LYPLA1: variants seen among roughly 807,000 people sequenced by gnomAD.
LYPLA1 encodes lysophospholipase 1.
LYPLA1 carries 17 observed loss-of-function variants against 34.0 expected under a neutral mutation model. That is an observed-to-expected ratio of 0.50 (90% CI 0.34 to 0.75). The LOEUF (loss-of-function observed/expected upper bound fraction) is 0.75, where lower values mean the gene tolerates loss of function less well. Ranked by LOEUF, LYPLA1 falls within the 30% of genes least tolerant of loss-of-function variation. The pLI is 0.01. For missense variants in LYPLA1, 203 were observed against 288.8 expected, an observed-to-expected ratio of 0.70 and a Z score of 2.15; for synonymous variants, 98 against 100.8, an observed-to-expected ratio of 0.97 and a Z score of 0.17.
At chr8:54,087,225 T>A (rs1407800016) in intron 2 of LYPLA1, among the ~76,000 whole-genome samples, 7 of 152,208 alleles carry the variant, frequency 4.6e-5, no homozygotes, top group African/African-American at 1.7e-4. Context: ...AAAGGTATAT[T>A]TCTATACACT....
At chr8:54,067,522 A>T (rs1019350556) in intron 2 of LYPLA1, among the ~76,000 whole-genome samples, 1 of 152,120 alleles carries the variant, frequency 6.6e-6, no homozygotes, top group Non-Finnish European at 1.5e-5. Context: ...CATGCATGTC[A>T]ATTAAGGAAT....
At chr8:54,089,457 T>C (rs563507989) in intron 2 of LYPLA1, among the ~76,000 whole-genome samples, 15 of 140,804 alleles carry the variant, frequency 1.1e-4, no homozygotes, top group South Asian at 4.6e-4. Context: ...CATAGTATCA[T>C]AGGGTTTGGT....
At chr8:54,066,098 G>A (rs574574518) in intron 2 of LYPLA1, among the ~76,000 whole-genome samples, 5 of 152,064 alleles carry the variant, frequency 3.3e-5, no homozygotes, top group South Asian at 2.1e-4. Context: ...CACCACGCCC[G>A]GCTAATTTTT....
chr8:54,059,299 G>GTTTTTTTTTTTTTTT (rs573966934), intron 5 of LYPLA1, among the ~76,000 whole-genome samples: 3 of 112,744 alleles, frequency 2.7e-5, no homozygotes, highest in African/African-American at 1.5e-4. Flanking sequence ...TATTTTCCCT[G>GTTTTTTTTTTTTTTT]TTTTTTTTTT....
intron 1 of LYPLA1, 100 bp downstream of exon 1, chr8:54,101,655 C>A: frequency 8.6e-7 from 1 of 1,167,334 alleles, no homozygotes; most frequent in African/African-American, 1.6e-5. Flanking sequence ...GCGTCCTCGT[C>A]CGCAGGCCGC....
chr8:54,058,377 G>C (rs1423526074), intron 5 of LYPLA1, among the ~76,000 whole-genome samples: 1 of 152,158 alleles, frequency 6.6e-6, no homozygotes, highest in Middle Eastern at 3.4e-3. Context: ...AACACCGTCT[G>C]TACTAAAAAT....
chr8:54,061,238 G>A (rs1486830989), intron 5 of LYPLA1, among the ~76,000 whole-genome samples: 2 of 151,418 alleles, frequency 1.3e-5, no homozygotes, highest in South Asian at 2.1e-4. Flanking sequence ...GCGTGACCAC[G>A]CCCAGCTAAT....
At position 54,046,447 on chromosome 8, in the gene LYPLA1, C is replaced by G. The variant is rs1805492729; in HGVS notation, c.*1618G>C. ...ATTTACACTTTCCCATGTTACAGCA[C>G]AATATTTCAATGGAATATTTCTTGC... On this transcript the variant is annotated 3_prime_UTR_variant, in exon 9 of 9. Transcript: ENST00000316963. 1 of 152,516 alleles carries G rather than the reference C, an allele frequency of 6.6e-6. No individual in the cohort carries two copies. Among genetic ancestry groups the G allele is most frequent in the South Asian group, 2.1e-4 (1 of 4,826 alleles). The allele number at this position is 152,516 out of a possible 1,614,324, so 9.4% of individuals were successfully genotyped here. A position where few individuals can be genotyped will look rare whatever the true frequency, so the allele number is the denominator to read the frequency against.
chr8:54,101,163 G>A (rs1003268958), intron 1 of LYPLA1, among the ~76,000 whole-genome samples: 1 of 150,856 alleles, frequency 6.6e-6, no homozygotes, highest in Non-Finnish European at 1.5e-5. Flanking sequence ...GGGTAGCACT[G>A]AGAGGTCCCA....
intron 2 of LYPLA1, among the ~76,000 whole-genome samples, chr8:54,092,119 G>A (rs1344749782): frequency 6.6e-6 from 1 of 150,696 alleles, no homozygotes; most frequent in African/African-American, 2.4e-5. Flanking sequence ...GGGAGGGGGA[G>A]GCAGCGGCGG....
downstream of LYPLA1, among the ~76,000 whole-genome samples, chr8:54,044,019 G>T (rs181032757): frequency 2.0e-5 from 3 of 152,284 alleles, no homozygotes; most frequent in African/African-American, 7.2e-5. Flanking sequence ...AGCATCCCAA[G>T]TAGCTGGGAT....
intron 6 of LYPLA1, chr8:54,053,816 A>G: frequency 2.3e-6 from 1 of 444,040 alleles, no homozygotes; most frequent in Non-Finnish European, 4.6e-6. Context: ...TTCAATTTCT[A>G]GCTACTTCCT....
intron 3 of LYPLA1, among the ~76,000 whole-genome samples, chr8:54,065,524 C>G (rs1469136414): frequency 6.7e-6 from 1 of 149,386 alleles, no homozygotes; most frequent in Non-Finnish European, 1.5e-5. Flanking sequence ...AGCTGACCTC[C>G]AAGACAGCAA....
intron 8 of LYPLA1, among the ~76,000 whole-genome samples, chr8:54,048,532 T>C (rs1805626727): frequency 1.3e-5 from 2 of 152,202 alleles, no homozygotes; most frequent in African/African-American, 4.8e-5. Context: ...CTATGCTGTG[T>C]CTTTCATAAA....
chr8:54,057,456 T>C (rs1806288320), intron 5 of LYPLA1, among the ~76,000 whole-genome samples: 1 of 152,150 alleles, frequency 6.6e-6, no homozygotes, highest in South Asian at 2.1e-4. Context: ...GTGGTACATA[T>C]GCACAATGAA....
At chr8:54,067,921 T>C (rs908207884) in intron 2 of LYPLA1, among the ~76,000 whole-genome samples, 5 of 152,034 alleles carry the variant, frequency 3.3e-5, no homozygotes, top group African/African-American at 1.2e-4. Context: ...TCTCCTGACC[T>C]CATGATCCGT....
intron 2 of LYPLA1, among the ~76,000 whole-genome samples, chr8:54,070,043 A>T (rs905092135): frequency 6.6e-6 from 1 of 152,284 alleles, no homozygotes; most frequent in African/African-American, 2.4e-5. Flanking sequence ...CACTGTTGGT[A>T]GAAATGTAAA....
chr8:54,053,693 G>A (rs1172528571), intron 6 of LYPLA1: 2 of 456,098 alleles, frequency 4.4e-6, no homozygotes, highest in African/African-American at 2.0e-5. Context: ...TTCAAGAGCT[G>A]GAAAAGCTAT....
In LYPLA1 at chr8:54,065,697, T is replaced by C. The variant is rs748875518; in HGVS notation, c.167+51A>G. On this transcript the variant is annotated intron_variant, in intron 3 of 8. Coordinates refer to ENST00000316963, the MANE Select transcript of LYPLA1 (RefSeq NM_006330.4). Reference sequence around the variant, plus strand: ...TTCTGGAAGGGTAAAGCAATCACAATTGCTCCTCTCCAGACTCTGAATCAC... The same window carrying C: ...TTCTGGAAGGGTAAAGCAATCACAACTGCTCCTCTCCAGACTCTGAATCAC... 8.5e-6 allele frequency: 12 copies of C among 1,416,462 alleles called. No homozygotes were observed. The Admixed American group carries it at 1.0e-4, about 12-fold the overall frequency. 87.7% of individuals were successfully genotyped at this position (1,416,462 alleles called of 1,614,324 possible).
Sources: gnomAD v4.1 joint callset for allele counts (sites outside exome capture counted in the v4.1 genomes callset) on GRCh38, gnomAD v4.1.1 for gene constraint, MANE v1.5 for transcripts, NCBI Gene and HGNC (gene_info 2026-07-23, HGNC 2026-07-21) for gene names.